The following EFCAB5 variants were observed in gnomAD, a reference collection of about 807,000 sequenced individuals.
EFCAB5 encodes the protein EF-hand calcium-binding domain-containing protein 5.
Under a neutral mutation model 167.9 loss-of-function variants are expected in EFCAB5, and 131 were observed. That is an observed-to-expected ratio of 0.78 (90% CI 0.68 to 0.90). EFCAB5 has a LOEUF of 0.90. EFCAB5 is among the 40% of genes least tolerant of loss of function. The probability of loss-of-function intolerance (pLI) is 0.00; values close to 1 mark genes in which losing one functional copy is unlikely to be tolerated. For missense variants in EFCAB5, 1,663 were observed against 1,745.2 expected (o/e 0.95, Z 0.84); for synonymous variants, 574 against 602.8 (o/e 0.95, Z 0.70).
intron 7 of EFCAB5, among the ~76,000 whole-genome samples, chr17:30,026,996 TTTTTTTTTG>T (rs2069343285): frequency 1.3e-5 from 1 of 77,434 alleles, no homozygotes; most frequent in East Asian, 2.8e-4. Flanking sequence ...TTTTTTTTTT[TTTTTTTTTG>T]AGATGGAGTC....
chr17:29,944,617 G>GTTTTTTTTTTTTTTTTTTTTTTTTT (rs1223652580), intron 3 of EFCAB5, among the ~76,000 whole-genome samples: 1 of 139,462 alleles, frequency 7.2e-6, no homozygotes, highest in Admixed American at 7.1e-5. Flanking sequence ...GTTGTTTTCT[G>GTTTTTTTTTTTTTTTTTTTTTTTTT]TTTTGTTTTG....
At chr17:30,066,385 A>C (rs906401100) in intron 14 of EFCAB5, among the ~76,000 whole-genome samples, 18 of 152,062 alleles carry the variant, frequency 1.2e-4, no homozygotes, top group Non-Finnish European at 2.2e-4. Context: ...TTTTTTTTGA[A>C]TTTTTACTTT....
intron 14 of EFCAB5, among the ~76,000 whole-genome samples, chr17:30,077,562 G>T (rs79158328): frequency 0.014 from 2,162 of 152,176 alleles, 63 homozygotes; most frequent in African/African-American, 0.049. Flanking sequence ...TTCAGGTTTG[G>T]TAGTAGGTTC....
chr17:29,946,679 C>A (rs893258655), intron 3 of EFCAB5, among the ~76,000 whole-genome samples: 7 of 151,834 alleles, frequency 4.6e-5, no homozygotes, highest in African/African-American at 1.7e-4. Flanking sequence ...ACCTCGTGAT[C>A]CACCCGCCTT....
upstream of EFCAB5, among the ~76,000 whole-genome samples, chr17:29,939,023 A>G (rs1255481313): frequency 1.3e-5 from 2 of 152,206 alleles, no homozygotes; most frequent in Non-Finnish European, 2.9e-5. Flanking sequence ...ATCACTGTCT[A>G]TGGAAGCTAT....
intron 19 of EFCAB5, among the ~76,000 whole-genome samples, chr17:30,088,574 C>T (rs2071133545): frequency 6.6e-6 from 1 of 152,104 alleles, no homozygotes. Context: ...GAAGGCAAAG[C>T]ATGTTGTATT....
At chr17:30,006,504 T>C (rs2068776541) in intron 7 of EFCAB5, among the ~76,000 whole-genome samples, 1 of 152,204 alleles carries the variant, frequency 6.6e-6, no homozygotes, top group South Asian at 2.1e-4. Context: ...CTAAAATGGC[T>C]AGCAAAGCAT....
At chr17:29,967,072 A>T (rs142243278) in intron 3 of EFCAB5, among the ~76,000 whole-genome samples, 3 of 151,976 alleles carry the variant, frequency 2.0e-5, no homozygotes, top group African/African-American at 7.3e-5. Context: ...AATTTCTTCT[A>T]ATTTCTCTGC....
At chr17:29,990,133 T>A (rs113685951) in intron 4 of EFCAB5, among the ~76,000 whole-genome samples, 2,478 of 152,272 alleles carry the variant, frequency 0.016, 69 homozygotes, top group African/African-American at 0.056. Context: ...CCCTTCGCAA[T>A]GCAAAATATA....
chr17:30,100,133 G>C (rs148298668), intron 22 of EFCAB5, among the ~76,000 whole-genome samples: 5 of 152,142 alleles, frequency 3.3e-5, no homozygotes, highest in African/African-American at 1.2e-4. Context: ...CTTTTCTCCT[G>C]TCTGCTACCA....
At chr17:30,052,574 T>C (rs1170808615) in intron 9 of EFCAB5, among the ~76,000 whole-genome samples, 1 of 152,252 alleles carries the variant, frequency 6.6e-6, no homozygotes, top group African/African-American at 2.4e-5. Context: ...ATTGCAATTT[T>C]ATGGCTTACC....
chr17:29,975,688 A>G (rs900614087), intron 4 of EFCAB5, among the ~76,000 whole-genome samples: 1 of 152,210 alleles, frequency 6.6e-6, no homozygotes, highest in Non-Finnish European at 1.5e-5. Context: ...GGATAAAGTA[A>G]GAGATATGTG....
At chr17:30,060,463 T>C (rs990890556) in intron 14 of EFCAB5, among the ~76,000 whole-genome samples, 13 of 152,358 alleles carry the variant, frequency 8.5e-5, no homozygotes, top group Non-Finnish European at 8.8e-5. Context: ...TTCTTCATTT[T>C]ATTAGATCTT....
At chr17:29,984,245 A>C (rs2068235147) in intron 4 of EFCAB5, among the ~76,000 whole-genome samples, 1 of 151,590 alleles carries the variant, frequency 6.6e-6, no homozygotes, top group African/African-American at 2.4e-5. Context: ...GCTAGAGATG[A>C]GGGGGAAAGG....
chr17:29,941,290 A>G (rs1177767247), upstream of EFCAB5, among the ~76,000 whole-genome samples: 2 of 152,148 alleles, frequency 1.3e-5, no homozygotes, highest in Non-Finnish European at 2.9e-5. Context: ...TTAATACCTC[A>G]ATATAAATGA....
At chr17:29,943,928 C>T (rs923409931) in intron 3 of EFCAB5, among the ~76,000 whole-genome samples, 3 of 151,808 alleles carry the variant, frequency 2.0e-5, no homozygotes, top group Non-Finnish European at 4.4e-5. Context: ...GAGCCAAGCT[C>T]GTGGATTGCA....
intron 4 of EFCAB5, among the ~76,000 whole-genome samples, chr17:29,986,409 T>C (rs936167906): frequency 6.6e-6 from 1 of 152,162 alleles, no homozygotes; most frequent in Admixed American, 6.5e-5. Flanking sequence ...TTAGACCAGC[T>C]GAACATAGTG....
intron 15 of EFCAB5, among the ~76,000 whole-genome samples, 159 bp from the exon 16 acceptor site, chr17:30,079,913 A>C (rs1385313700): frequency 6.6e-6 from 1 of 152,222 alleles, no homozygotes; most frequent in African/African-American, 2.4e-5. Flanking sequence ...CTATGCTGTC[A>C]ACCTTTTCCC....
chr17:30,081,336 T>C (rs2070984774), intron 17 of EFCAB5, among the ~76,000 whole-genome samples: 1 of 152,234 alleles, frequency 6.6e-6, no homozygotes, highest in African/African-American at 2.4e-5. Context: ...AACAGTGGTA[T>C]CTATCTAGAA....
Sources: gnomAD v4.1 joint callset for allele counts (sites outside exome capture counted in the v4.1 genomes callset) on GRCh38, gnomAD v4.1.1 for gene constraint, MANE v1.5 for transcripts, NCBI Gene and HGNC (gene_info 2026-07-23, HGNC 2026-07-21) for gene names.